The following CTNNA3 variants were observed in gnomAD, a reference collection of about 807,000 sequenced individuals.
The protein encoded by CTNNA3 is catenin alpha-3.
Under a neutral mutation model 95.7 loss-of-function variants are expected in CTNNA3, and 76 were observed. The ratio of observed to expected loss-of-function variants is 0.79; its 90% confidence interval spans 0.66 to 0.96. The LOEUF (loss-of-function observed/expected upper bound fraction) is 0.96. Among genes scored for constraint, CTNNA3 ranks in the 40% least tolerant of loss-of-function variants. CTNNA3 has a pLI of 0.00. For synonymous variants in CTNNA3, 431 were observed against 374.4 expected (o/e 1.15, Z -1.74); for missense variants, 1,191 against 1,089.8 (o/e 1.09, Z -1.31).
At chr10:66,503,759 G>A (rs1840356357) in intron 11 of CTNNA3, among the ~76,000 whole-genome samples, 1 of 152,036 alleles carries the variant, frequency 6.6e-6, no homozygotes. Context: ...GAGCCATTGC[G>A]CCTGGCCCAG....
intron 7 of CTNNA3, among the ~76,000 whole-genome samples, chr10:67,150,647 T>C (rs1000723806): frequency 1.3e-5 from 2 of 152,196 alleles, no homozygotes; most frequent in Non-Finnish European, 2.9e-5. Context: ...TTAGAAGTCT[T>C]CAACAGCTGT....
At chr10:66,968,855 A>G (rs1489656639) in intron 7 of CTNNA3, among the ~76,000 whole-genome samples, 3 of 151,978 alleles carry the variant, frequency 2.0e-5, no homozygotes, top group African/African-American at 7.3e-5. Flanking sequence ...TGTCTCTACC[A>G]AAACTACAAA....
chr10:66,437,279 G>A (rs984305957), intron 11 of CTNNA3, among the ~76,000 whole-genome samples: 6 of 152,100 alleles, frequency 3.9e-5, no homozygotes, highest in Non-Finnish European at 7.4e-5. Flanking sequence ...ATCCTGAAGC[G>A]TGTTTTCCAA....
intron 1 of CTNNA3, chr10:67,750,580 T>A: frequency 6.4e-7 from 1 of 1,573,992 alleles, no homozygotes; most frequent in Non-Finnish European, 8.7e-7. Flanking sequence ...CCCTCAAGGA[T>A]CTGAAGCTGA....
intron 11 of CTNNA3, among the ~76,000 whole-genome samples, chr10:66,465,244 G>A (rs1255743911): frequency 1.3e-5 from 2 of 151,416 alleles, no homozygotes; most frequent in Non-Finnish European, 2.9e-5. Flanking sequence ...AACCTAATGA[G>A]TGGTACACCA....
intron 1 of CTNNA3, among the ~76,000 whole-genome samples, chr10:67,649,006 G>C (rs2133485858): frequency 6.6e-6 from 1 of 152,290 alleles, no homozygotes; most frequent in Non-Finnish European, 1.5e-5. Flanking sequence ...GCCTATTCCT[G>C]TGGTGACCTT....
intron 1 of CTNNA3, among the ~76,000 whole-genome samples, chr10:67,647,883 T>C (rs542641657): frequency 1.3e-3 from 193 of 151,274 alleles, no homozygotes; most frequent in African/African-American, 4.6e-3. Context: ...ATCACAGCAC[T>C]GAGGCAGCCT....
At chr10:66,051,677 C>A (rs2079962444) in intron 15 of CTNNA3, among the ~76,000 whole-genome samples, 1 of 152,130 alleles carries the variant, frequency 6.6e-6, no homozygotes, top group East Asian at 1.9e-4. Flanking sequence ...GTTCAAAGGA[C>A]AAAATATTAT....
rs533406956 is a variant in CTNNA3 at position 66,263,818 on chromosome 10, A to G, written c.1884+16652T>C. ...TATCTAAACATACATTACCTACTTG[A>G]TCATCTATATTCCCAGATGCAATGA... On this transcript the variant is annotated intron_variant, in intron 13 of 17. Coordinates refer to ENST00000433211, the MANE Select transcript of CTNNA3 (RefSeq NM_013266.4). 2.0e-5 allele frequency among the ~76,000 whole-genome samples: 3 copies of G among 152,062 alleles called. No individual in the cohort carries two copies. In the South Asian group the frequency reaches 6.2e-4, roughly 32 times the overall value.
chr10:66,149,876 G>C (rs2084102303), intron 13 of CTNNA3, among the ~76,000 whole-genome samples: 2 of 151,838 alleles, frequency 1.3e-5, no homozygotes, highest in South Asian at 4.2e-4. Flanking sequence ...AAAGTATCAG[G>C]CCCTTGTATT....
Position 67,459,707 on chromosome 10 carries a change from C to A in CTNNA3, c.579+62135G>T, listed in dbSNP as rs537733959. On this transcript the variant is annotated intron_variant, in intron 5 of 17. Transcript: ENST00000433211. ...ATGTCTTCATCACTTTTTAAAATCA[C>A]CATGTAAGTAAATTACTCTTTTGAC... Among the ~76,000 whole-genome samples the A allele has an allele frequency of 9.3e-4, 142 of 152,264 alleles. 2 individuals carry two copies. In the South Asian group the frequency reaches 0.02, roughly 22 times the overall value.
intron 7 of CTNNA3, among the ~76,000 whole-genome samples, chr10:66,840,368 TCTCTCACACACACA>T (rs1487662337): frequency 1.2e-3 from 100 of 80,260 alleles, no homozygotes; most frequent in South Asian, 4.5e-3. Flanking sequence ...TCTCTCTCTC[TCTCTCACACACACA>T]CACACACACA....
chr10:66,427,951 G>T (rs1445947296), intron 11 of CTNNA3, among the ~76,000 whole-genome samples: 1 of 152,078 alleles, frequency 6.6e-6, no homozygotes, highest in East Asian at 1.9e-4. Flanking sequence ...AAAAGACACA[G>T]ACTGGCAAAT....
At chr10:67,173,132 C>A (rs994577492) in intron 7 of CTNNA3, among the ~76,000 whole-genome samples, 2 of 152,180 alleles carry the variant, frequency 1.3e-5, no homozygotes, top group South Asian at 2.1e-4. Flanking sequence ...TGTTCAAGGG[C>A]TATAAAAACA....
chr10:66,402,281 G>A (rs1373245070), intron 11 of CTNNA3, among the ~76,000 whole-genome samples: 2 of 152,128 alleles, frequency 1.3e-5, no homozygotes, highest in Non-Finnish European at 2.9e-5. Flanking sequence ...GATGCATAGA[G>A]TTTATTAATC....
intron 2 of CTNNA3, among the ~76,000 whole-genome samples, chr10:67,610,181 A>C (rs1843412814): frequency 6.6e-6 from 1 of 152,228 alleles, no homozygotes; most frequent in South Asian, 2.1e-4. Context: ...TCTATTGTTC[A>C]GATCCTCCAT....
chr10:67,078,019 G>A (rs1452404841), intron 7 of CTNNA3, among the ~76,000 whole-genome samples: 1 of 152,150 alleles, frequency 6.6e-6, no homozygotes, highest in African/African-American at 2.4e-5. Context: ...GGATAATTCT[G>A]AGCTAGTAGG....
chr10:67,617,280 G>A (rs1178105017), intron 2 of CTNNA3, among the ~76,000 whole-genome samples: 3 of 152,076 alleles, frequency 2.0e-5, no homozygotes, highest in African/African-American at 7.2e-5. Flanking sequence ...AGGACCCAGT[G>A]TCTGTTGTTC....
intron 15 of CTNNA3, among the ~76,000 whole-genome samples, chr10:66,063,227 G>T (rs867103231): frequency 6.4e-5 from 6 of 93,494 alleles, no homozygotes; most frequent in East Asian, 3.4e-4. Context: ...TATAGATATA[G>T]ATAGATAGAT....
Sources: allele counts gnomAD v4.1 joint callset (sites outside exome capture counted in the v4.1 genomes callset), GRCh38; gene constraint gnomAD v4.1.1; transcripts MANE v1.5; gene names NCBI Gene and HGNC (gene_info 2026-07-23, HGNC 2026-07-21).